USP6NL: variants seen among roughly 807,000 people sequenced by gnomAD.
The protein encoded by USP6NL is USP6 N-terminal like, also known as USP6 N-terminal-like protein.
USP6NL carries 26 observed loss-of-function variants against 61.9 expected under a neutral mutation model. The observed-to-expected ratio is 0.42, with a 90% CI of 0.31 to 0.58. The LOEUF (loss-of-function observed/expected upper bound fraction) is 0.58, where lower values mean the gene tolerates loss of function less well. Ranked by LOEUF, USP6NL falls within the 20% of genes least tolerant of loss-of-function variation. USP6NL has a pLI of 0.16. For synonymous variants in USP6NL, 432 were observed against 390.1 expected, an observed-to-expected ratio of 1.11 and a Z score of -1.27; for missense variants, 1,114 against 1,034.3, an observed-to-expected ratio of 1.08 and a Z score of -1.06.
rs1353790597 is a variant in USP6NL at position 11,510,626 on chromosome 10, C to T, written c.196-951G>A. 7.0e-6 allele frequency among the ~76,000 whole-genome samples: 1 copy of T among 142,704 alleles called. No individual in the cohort carries two copies. The highest frequency in any genetic ancestry group is 1.5e-5 in the Non-Finnish European group (1 of 65,306). The allele number at this position is 142,704 out of a possible 152,430, so 93.6% of individuals were successfully genotyped here. On this transcript the variant is annotated intron_variant, in intron 5 of 14. Coordinates refer to ENST00000609104, the MANE Select transcript of USP6NL (RefSeq NM_014688.5). The surrounding 1 kb of genome is among the most constrained non-coding windows in gnomAD (Gnocchi z 4.8). The stretch of plus-strand genomic sequence containing the variant: ...GAGAAGGAATATTTTTTCCTAAGTA[C>T]CTGGGCCCATGAGTAGTAAGTATAT...
chr10:11,478,436 T>C lies in USP6NL; in HGVS notation c.1078+3334A>G, dbSNP rs1352689022. On this transcript the variant is annotated intron_variant, in intron 14 of 14. Coordinates refer to ENST00000609104, the MANE Select transcript of USP6NL (RefSeq NM_014688.5). This position sits in a 1 kb window ranked among gnomAD's most constrained non-coding sequence, Gnocchi z 6.8. ...ACCTCAACGACTGTAAAATAAAAGC[T>C]TTTACTTAGAAAAACTCAATTTTTA... Among the ~76,000 whole-genome samples, 14 of 152,120 alleles carry C rather than the reference T, an allele frequency of 9.2e-5. No individual in the cohort carries two copies. The highest frequency in any genetic ancestry group is 9.2e-4 in the Admixed American group (14 of 15,282).
At chr10:11,504,617 T>C (rs573923705) in intron 6 of USP6NL, among the ~76,000 whole-genome samples, 1 of 152,366 alleles carries the variant, frequency 6.6e-6, no homozygotes, top group Non-Finnish European at 1.5e-5. Flanking sequence ...TGTCCTCAAC[T>C]CATAAACGAA....
chr10:11,559,036 T>C (rs1394525452), intron 2 of USP6NL, among the ~76,000 whole-genome samples: 6 of 152,180 alleles, frequency 3.9e-5, no homozygotes, highest in African/African-American at 1.4e-4. Flanking sequence ...GTCATGACAG[T>C]ACAATTTTCA....
chr10:11,493,668 G>A (rs1378605115), intron 7 of USP6NL, among the ~76,000 whole-genome samples: 2 of 152,186 alleles, frequency 1.3e-5, no homozygotes, highest in East Asian at 1.9e-4. Context: ...TCAATCCTAA[G>A]CTCCACTATA....
chr10:11,466,877 GACAGTGAAA>G (rs1176445069), intron 14 of USP6NL, among the ~76,000 whole-genome samples: 1 of 152,174 alleles, frequency 6.6e-6, no homozygotes, highest in African/African-American at 2.4e-5. Context: ...ATAGAAATGG[GACAGTGAAA>G]ATACGCTATT....
chr10:11,549,779 GA>G (rs1160257219), intron 2 of USP6NL, among the ~76,000 whole-genome samples: 1 of 152,134 alleles, frequency 6.6e-6, no homozygotes, highest in Non-Finnish European at 1.5e-5. Flanking sequence ...GAAATTCTAG[GA>G]AGTTACCATC....
At chr10:11,530,720 A>T (rs1835624360) in intron 2 of USP6NL, among the ~76,000 whole-genome samples, 1 of 152,228 alleles carries the variant, frequency 6.6e-6, no homozygotes, top group Non-Finnish European at 1.5e-5. Flanking sequence ...CTCTGAGGAA[A>T]CTAAATGAAA....
rs1555173784 is a variant in USP6NL at position 11,580,867 on chromosome 10, T to TGATTGATG, written c.4+16763_4+16764insCATCAATC. Among the ~76,000 whole-genome samples, 174 of 149,856 alleles carry TGATTGATG rather than the reference T, an allele frequency of 1.2e-3. 2 individuals carry two copies. The highest frequency in any genetic ancestry group is 0.011 in the Admixed American group (166 of 15,022). ...AATGGATGAATGACGAACGGATAGA[T>TGATTGATG]GATGGATGGATGGATGGATGGATGG... On this transcript the variant is annotated intron_variant, in intron 2 of 14. Transcript: ENST00000609104.
Position 11,532,306 on chromosome 10 carries a change from G to C in USP6NL, c.5-4739C>G, listed in dbSNP as rs905356008. 1.5e-6 allele frequency: 2 copies of C among 1,297,424 alleles called. No individual in the cohort carries two copies. Among genetic ancestry groups the C allele is most frequent in the African/African-American group, 3.0e-5 (2 of 66,684 alleles). The allele number at this position is 1,297,424 out of a possible 1,614,324, so 80.4% of individuals were successfully genotyped here. A position where few individuals can be genotyped will look rare whatever the true frequency, so the allele number is the denominator to read the frequency against. ...AACACACCAAGAGTGCTGCCCGGCG[G>C]TACCTCACACATTCTGCAACTAACT... On this transcript the variant is annotated intron_variant, in intron 2 of 14. Transcript: ENST00000609104. The surrounding 1 kb of genome is among the most constrained non-coding windows in gnomAD (Gnocchi z 4.1).
At chr10:11,601,660 A>G (rs1838535557) in intron 1 of USP6NL, among the ~76,000 whole-genome samples, 1 of 152,252 alleles carries the variant, frequency 6.6e-6, no homozygotes, top group South Asian at 2.1e-4. Context: ...ATGCATTTAC[A>G]ATCTTTAAGC....
At chr10:11,565,273 CAT>C (rs1289636983) in intron 2 of USP6NL, 2 of 152,084 alleles carry the variant, frequency 1.3e-5, no homozygotes, top group Non-Finnish European at 2.9e-5. Context: ...AAAGAAGCAA[CAT>C]AGAGCAAATC....
chr10:11,586,516 T>A (rs1031912736), intron 2 of USP6NL, among the ~76,000 whole-genome samples: 33 of 152,128 alleles, frequency 2.2e-4, no homozygotes, highest in Non-Finnish European at 1.6e-4. Flanking sequence ...ACAATTAATG[T>A]TAGAAATCCA....
chr10:11,463,422 G>A lies in USP6NL; in HGVS notation c.1506C>T (p.Tyr502=), dbSNP rs778817304. 3 of 1,614,060 alleles carry A rather than the reference G, an allele frequency of 1.9e-6. No homozygotes were observed. Among genetic ancestry groups the A allele is most frequent in the Non-Finnish European group, 2.5e-6 (3 of 1,179,898 alleles). Residue 502 remains tyrosine (Y), a synonymous_variant, in exon 15 of 15, where the codon TAC becomes TAT. Coordinates refer to ENST00000609104, the MANE Select transcript of USP6NL (RefSeq NM_014688.5). This position sits in a 1 kb window ranked among gnomAD's most constrained non-coding sequence, Gnocchi z 6.3. The stretch of plus-strand genomic sequence containing the variant: ...CTGCTCGACCTTTGCCTTCCATGGT[G>A]TATTTGGCAGTTCTCTCTGTAGCTG... ...DVSATERTAK[Y]TMEGKGRAAH... is the part of the protein sequence containing the mutation.
In USP6NL at chr10:11,485,297, T is replaced by C; in HGVS notation, c.760-63A>G. The C allele has an allele frequency of 7.4e-7, 1 of 1,347,892 alleles. No individual in the cohort carries two copies. The allele number at this position is 1,347,892 out of a possible 1,614,324, so 83.5% of individuals were successfully genotyped here. On this transcript the variant is annotated intron_variant, in intron 11 of 14. Transcript: ENST00000609104. The surrounding 1 kb of genome is among the most constrained non-coding windows in gnomAD (Gnocchi z 4.8). The stretch of plus-strand genomic sequence containing the variant: ...CAAACTAAATTTAACAAAATAATAC[T>C]AAGTTAGGAAGGCTGTTGGATGCAG...
chr10:11,493,050 T>C (rs1833767792), intron 8 of USP6NL, 69 bp downstream of exon 8: 1 of 1,396,182 alleles, frequency 7.2e-7, no homozygotes, highest in Non-Finnish European at 9.9e-7. Flanking sequence ...ATAAAGGCAT[T>C]CTAATTTTAA....
At chr10:11,542,261 G>A (rs1217724555) in intron 2 of USP6NL, among the ~76,000 whole-genome samples, 1 of 152,108 alleles carries the variant, frequency 6.6e-6, no homozygotes, top group Non-Finnish European at 1.5e-5. Flanking sequence ...TCCTCAAAAA[G>A]ATCACATTCC....
In USP6NL at chr10:11,524,366, G is replaced by A. The variant is rs867518493; in HGVS notation, c.155+1020C>T. 1.8e-4 allele frequency among the ~76,000 whole-genome samples: 28 copies of A among 152,188 alleles called. No individual in the cohort carries two copies. The Middle Eastern group carries it at 0.01, about 55-fold the overall frequency. ...TTTCAAAGCCTCAAATACACCTGAA[G>A]ATACATAAAAAAAGTATGTAAACTA... On this transcript the variant is annotated intron_variant, in intron 4 of 14. Transcript: ENST00000609104.
intron 2 of USP6NL, among the ~76,000 whole-genome samples, chr10:11,588,017 A>G (rs1838034742): frequency 1.3e-5 from 2 of 152,232 alleles, no homozygotes; most frequent in African/African-American, 4.8e-5. Flanking sequence ...CTTTCTCTTG[A>G]AGGCAGGCTT....
chr10:11,551,913 GTACTTCCT>G (rs1287426425), intron 2 of USP6NL, among the ~76,000 whole-genome samples: 1 of 152,106 alleles, frequency 6.6e-6, no homozygotes, highest in African/African-American at 2.4e-5. Context: ...AGGCCTGATG[GTACTTCCT>G]AAAATGGGCT....
Sources: gnomAD v4.1 joint callset for allele counts (sites outside exome capture counted in the v4.1 genomes callset) on GRCh38, gnomAD v4.1.1 for gene constraint, Gnocchi (gnomAD v3.1) non-coding constraint, MANE v1.5 for transcripts, NCBI Gene and HGNC (gene_info 2026-07-23, HGNC 2026-07-21) for gene names.